Variants in LRMDA observed in about 807,000 individuals in gnomAD.
LRMDA encodes leucine rich melanocyte differentiation associated, also known as leucine-rich melanocyte differentiation-associated protein.
LRMDA carries 18 observed loss-of-function variants against 29.8 expected under a neutral mutation model. That is an observed-to-expected ratio of 0.60 (90% CI 0.42 to 0.90). The LOEUF is 0.90. Ranked by LOEUF, LRMDA falls within the 40% of genes least tolerant of loss-of-function variation. The pLI is 0.00. For missense variants in LRMDA, 273 were observed against 273.9 expected (o/e 1.00, Z 0.02); for synonymous variants, 125 against 109.4 (o/e 1.14, Z -0.89).
intron 2 of LRMDA, among the ~76,000 whole-genome samples, chr10:75,816,536 G>A (rs1844063776): frequency 2.6e-5 from 4 of 152,162 alleles, no homozygotes; most frequent in Admixed American, 2.6e-4. Flanking sequence ...TCCCAAAAGG[G>A]TAAAAGGAAA....
At chr10:76,343,633 G>T (rs936534871) in intron 6 of LRMDA, among the ~76,000 whole-genome samples, 1 of 151,988 alleles carries the variant, frequency 6.6e-6, no homozygotes, top group Non-Finnish European at 1.5e-5. Context: ...ATCCATCTCA[G>T]TCCAAAAGCC....
At chr10:76,034,154 G>T (rs1848199580) in intron 2 of LRMDA, among the ~76,000 whole-genome samples, 2 of 152,096 alleles carry the variant, frequency 1.3e-5, no homozygotes, top group Admixed American at 6.5e-5. Context: ...AAACCTTCCT[G>T]CCTAGATGTG....
chr10:76,538,898 A>G (rs1045653586), intron 6 of LRMDA, among the ~76,000 whole-genome samples: 1 of 152,050 alleles, frequency 6.6e-6, no homozygotes, highest in Non-Finnish European at 1.5e-5. Flanking sequence ...TGCTAGTTCC[A>G]CAAATGTACA....
chr10:75,745,218 A>G (rs1842875410), intron 2 of LRMDA, among the ~76,000 whole-genome samples: 1 of 152,142 alleles, frequency 6.6e-6, no homozygotes, highest in Non-Finnish European at 1.5e-5. Context: ...AGATTTTTTA[A>G]TACCCCCATG....
chr10:75,867,366 T>C (rs1845038325), intron 2 of LRMDA, among the ~76,000 whole-genome samples: 1 of 152,166 alleles, frequency 6.6e-6, no homozygotes, highest in Admixed American at 6.5e-5. Context: ...TTTCACCATG[T>C]TAGCCAGGGT....
intron 6 of LRMDA, among the ~76,000 whole-genome samples, chr10:76,495,319 T>A (rs1009984856): frequency 1.3e-5 from 2 of 151,912 alleles, no homozygotes; most frequent in African/African-American, 2.4e-5. Flanking sequence ...AAATAATTGA[T>A]CATATTTGTG....
intron 2 of LRMDA, among the ~76,000 whole-genome samples, chr10:75,482,155 T>G (rs762269957): frequency 8.5e-5 from 13 of 152,286 alleles, no homozygotes; most frequent in Non-Finnish European, 1.6e-4. Flanking sequence ...TTAGGCATGG[T>G]CACGGAACTT....
At chr10:75,935,214 A>G (rs117572912) in intron 2 of LRMDA, among the ~76,000 whole-genome samples, 2,785 of 152,334 alleles carry the variant, frequency 0.018, 49 homozygotes, top group Non-Finnish European at 0.029. Flanking sequence ...GAGAAGGGCA[A>G]GGGTGAAAAA....
chr10:75,957,390 A>G (rs1846681438), intron 2 of LRMDA, among the ~76,000 whole-genome samples: 1 of 152,246 alleles, frequency 6.6e-6, no homozygotes, highest in Admixed American at 6.5e-5. Context: ...ACAACAATGA[A>G]GGGTGCCTTT....
Position 76,559,167 on chromosome 10 carries a change from T to C in LRMDA, c.*1879T>C, listed in dbSNP as rs1843594736. 6.6e-6 allele frequency: 1 copy of C among 152,204 alleles called. No individual in the cohort carries two copies. Among genetic ancestry groups the C allele is most frequent in the African/African-American group, 2.4e-5 (1 of 41,464 alleles). 9.4% of individuals were successfully genotyped at this position (152,204 alleles called of 1,614,324 possible). A position where few individuals can be genotyped will look rare whatever the true frequency, so the allele number is the denominator to read the frequency against. On this transcript the variant is annotated 3_prime_UTR_variant, in exon 7 of 7. Transcript: ENST00000611255. ...ATCTAGCCACACATATATCCTTGTC[T>C]TTATAAAAGGCTTTAACCCTGCCTC...
chr10:76,522,675 C>T (rs565375706), intron 6 of LRMDA, among the ~76,000 whole-genome samples: 42 of 152,242 alleles, frequency 2.8e-4, no homozygotes, highest in Middle Eastern at 3.4e-3. Flanking sequence ...GAAACTTACA[C>T]GTCACATCCA....
At chr10:76,313,753 A>C (rs1260100048) in intron 5 of LRMDA, among the ~76,000 whole-genome samples, 2 of 152,178 alleles carry the variant, frequency 1.3e-5, no homozygotes, top group South Asian at 4.1e-4. Flanking sequence ...GTAGAACACA[A>C]TTAAAAGTAA....
intron 2 of LRMDA, among the ~76,000 whole-genome samples, chr10:75,704,664 T>C (rs547380617): frequency 6.6e-6 from 1 of 152,320 alleles, no homozygotes; most frequent in East Asian, 1.9e-4. Flanking sequence ...CTATGAGGTA[T>C]TGGGAAGGTG....
chr10:75,807,520 G>A (rs949122254), intron 2 of LRMDA, among the ~76,000 whole-genome samples: 2 of 152,258 alleles, frequency 1.3e-5, no homozygotes, highest in Non-Finnish European at 1.5e-5. Flanking sequence ...CATCTCAAAT[G>A]TGTGTAAAGG....
chr10:75,609,390 C>T (rs188859332), intron 2 of LRMDA, among the ~76,000 whole-genome samples: 132 of 152,214 alleles, frequency 8.7e-4, no homozygotes, highest in Middle Eastern at 3.4e-3. Flanking sequence ...TTGAAAGTGA[C>T]GTTTAAGAAA....
intron 2 of LRMDA, among the ~76,000 whole-genome samples, chr10:75,832,744 C>A (rs1844367271): frequency 6.6e-6 from 1 of 152,190 alleles, no homozygotes; most frequent in Non-Finnish European, 1.5e-5. Context: ...TGGCAGAAGG[C>A]AAGGAGGAGC....
chr10:75,875,755 G>T (rs909617913), intron 2 of LRMDA, among the ~76,000 whole-genome samples: 1 of 152,240 alleles, frequency 6.6e-6, no homozygotes, highest in Non-Finnish European at 1.5e-5. Flanking sequence ...TAAAGAAAGA[G>T]AAAGGTCTAA....
chr10:75,821,336 C>T (rs998514349), intron 2 of LRMDA, among the ~76,000 whole-genome samples: 4 of 152,286 alleles, frequency 2.6e-5, no homozygotes, highest in East Asian at 1.9e-4. Flanking sequence ...GGGTTTTATT[C>T]CAGGGATGCA....
chr10:76,359,398 A>G (rs914852408), intron 6 of LRMDA, among the ~76,000 whole-genome samples: 4 of 152,182 alleles, frequency 2.6e-5, no homozygotes, highest in Non-Finnish European at 5.9e-5. Flanking sequence ...CTAGGGAATG[A>G]TAAGACTGGT....
Sources: allele counts gnomAD v4.1 joint callset (sites outside exome capture counted in the v4.1 genomes callset), GRCh38; gene constraint gnomAD v4.1.1; transcripts MANE v1.5; gene names NCBI Gene and HGNC (gene_info 2026-07-23, HGNC 2026-07-21).